CCDC180: variants seen among roughly 807,000 people sequenced by gnomAD.
CCDC180 encodes the protein coiled-coil domain-containing protein 180.
A neutral mutation model predicts 209.2 loss-of-function variants in CCDC180; 154 were observed. That is an observed-to-expected ratio of 0.74 (90% CI 0.65 to 0.84). The LOEUF (loss-of-function observed/expected upper bound fraction) is 0.84. Among genes scored for constraint, CCDC180 ranks in the 40% least tolerant of loss-of-function variants. The pLI is 0.00. For missense variants in CCDC180, 1,874 were observed against 1,997.3 expected (o/e 0.94, Z 1.18); for synonymous variants, 778 against 749.1 (o/e 1.04, Z -0.63).
chr9:97,374,438 A>G, intron 34 of CCDC180, 105 bp from the exon 35 acceptor site: 2 of 797,588 alleles, frequency 2.5e-6, no homozygotes, highest in Non-Finnish European at 4.0e-6. Context: ...TCCAAGTGGG[A>G]GGAGGGGTGC....
At chr9:97,354,760 C>T (rs762657241) in intron 23 of CCDC180, 47 bp downstream of exon 23, 3 of 1,611,644 alleles carry the variant, frequency 1.9e-6, no homozygotes, top group South Asian at 1.1e-5. Context: ...CACAGTATCC[C>T]TTGCTCAACT....
chr9:97,371,602 C>T lies in CCDC180; in HGVS notation c.4496C>T (p.Thr1499Ile), dbSNP rs373012670. ...TCACCATGTTTTTTCCAGGAATGTA[C>T]CAGAAGGAATGGCCAGGTTTTCATA... ...RMNKEKLEEC[T>I]RRNGQVFITN... Residue 1499 changes from threonine to isoleucine, a missense_variant, in exon 34 of 37, where the codon ACC (threonine) becomes ATC (isoleucine). Physicochemically the swap from Thr to Ile is moderately conservative, Grantham distance 89 (BLOSUM62 -1). Coordinates refer to ENST00000529487, the MANE Select transcript of CCDC180 (RefSeq NM_020893.6). 2 of 1,601,016 alleles carry T rather than the reference C, an allele frequency of 1.2e-6. No individual in the cohort carries two copies. Among genetic ancestry groups the T allele is most frequent in the Non-Finnish European group, 8.6e-7 (1 of 1,169,482 alleles).
rs764383289 is a variant in CCDC180, at chr9:97,369,958, T to A, written c.4226T>A (p.Leu1409Gln). The A allele has an allele frequency of 6.2e-7, 1 of 1,614,098 alleles. No homozygotes were observed. Among genetic ancestry groups the A allele is most frequent in the African/African-American group, 1.3e-5 (1 of 74,930 alleles). Residue 1409 changes from leucine to glutamine, a missense_variant, in exon 32 of 37, where the codon CTG becomes CAG. Leu to Gln is a moderately radical substitution (Grantham distance 113). Coordinates refer to ENST00000529487, the MANE Select transcript of CCDC180 (RefSeq NM_020893.6). Reference sequence around the variant, plus strand: ...CAGATCAGGAGATTTGAGGAGCTGCTGCCCCAAGTGTGTTGGCTGGTGATG... The same window carrying A: ...CAGATCAGGAGATTTGAGGAGCTGCAGCCCCAAGTGTGTTGGCTGGTGATG... ...RIQIRRFEELLPQVCWLVMEN... is the reference protein window; with the variant it reads ...RIQIRRFEELQPQVCWLVMEN...
intron 19 of CCDC180, 79 bp from the exon 20 acceptor site, chr9:97,347,235 A>G (rs973675594): frequency 1.7e-5 from 23 of 1,382,344 alleles, no homozygotes; most frequent in Non-Finnish European, 2.2e-5. Flanking sequence ...AGGGGGAAGC[A>G]CTTTGGGTCT....
chr9:97,326,523 T>C (rs749864100), intron 14 of CCDC180, 31 bp from the exon 15 acceptor site: 12 of 1,338,720 alleles, frequency 9.0e-6, no homozygotes, highest in Non-Finnish European at 1.3e-5. Flanking sequence ...AGGTCACATC[T>C]GCTTCCTCTT....
rs1826924129 is a variant in CCDC180, at chr9:97,366,504, C to G, written c.4048-55C>G. On this transcript the variant is annotated intron_variant, in intron 30 of 36. Coordinates refer to ENST00000529487, the MANE Select transcript of CCDC180 (RefSeq NM_020893.6). The surrounding 1 kb of genome is among the most constrained non-coding windows in gnomAD (Gnocchi z 4.3). ...AGGGCAGGCTGGTGGATCCCAGGAG[C>G]AAGGGCCAGAGTCCCATGGAGTCCT... is the stretch of plus-strand genomic sequence containing the variant. 1 of 1,576,790 alleles carries G rather than the reference C, an allele frequency of 6.3e-7. No homozygotes were observed. The highest frequency in any genetic ancestry group is 1.8e-5 in the Admixed American group (1 of 56,422).
intron 30 of CCDC180, 112 bp downstream of exon 30, chr9:97,365,851 G>A (rs537149438): frequency 2.2e-5 from 20 of 893,426 alleles, no homozygotes; most frequent in Non-Finnish European, 2.3e-5. Context: ...TTCCACCCCC[G>A]CCATGACCAC....
chr9:97,350,171 C>T (rs1351968015), intron 21 of CCDC180, among the ~76,000 whole-genome samples: 2 of 151,862 alleles, frequency 1.3e-5, no homozygotes, highest in African/African-American at 4.8e-5. Flanking sequence ...TCTCATGCCC[C>T]CCAAACTGGT....
chr9:97,341,176 T>C (rs1318304928), intron 18 of CCDC180, among the ~76,000 whole-genome samples: 2 of 152,196 alleles, frequency 1.3e-5, no homozygotes, highest in Non-Finnish European at 2.9e-5. Context: ...CTCTTTACCC[T>C]GCCCCTTTTG....
chr9:97,330,682 A>T lies in CCDC180; in HGVS notation c.2189A>T (p.Glu730Val). The T allele has an allele frequency of 6.4e-7, 1 of 1,569,246 alleles. No individual in the cohort carries two copies. Among genetic ancestry groups the T allele is most frequent in the Non-Finnish European group, 8.6e-7 (1 of 1,167,794 alleles). ...GAGTCAGAGGAGGAAGATGAGAAGG[A>T]GGAAGAGGAGGAGGAGGAGAAGCTG... ...KEESEEEDEK[E>V]EEEEEEKLEE... Residue 730 changes from glutamate (E) to valine (V), a missense_variant, in exon 18 of 37, where the codon GAG (glutamate) becomes GTG (valine). Transcript: ENST00000529487.
intron 15 of CCDC180, among the ~76,000 whole-genome samples, chr9:97,327,351 A>AT (rs1359503354): frequency 6.6e-6 from 1 of 152,186 alleles, no homozygotes; most frequent in Non-Finnish European, 1.5e-5. Context: ...AGGTTGGATT[A>AT]TACCGTGCAA....
In CCDC180 at chr9:97,318,470, A is replaced by T; in HGVS notation, c.967A>T (p.Met323Leu). ...EALLQSFSEF[M>L]ASESIHTPPA... ...AACATGTCTGGCCACCAGTGAGTTC[A>T]TGGCCAGTGAGAGTATCCATACTCC... The change falls in exon 10 of 37, where the codon ATG becomes TTG. Residue 323 changes from methionine (M) to leucine (L), a missense_variant. By Grantham distance (15) the Met-to-Leu change is conservative. Transcript: ENST00000529487. 2 of 1,613,440 alleles carry T rather than the reference A, an allele frequency of 1.2e-6. No homozygotes were observed. Among genetic ancestry groups the T allele is most frequent in the Non-Finnish European group, 1.7e-6 (2 of 1,179,788 alleles).
intron 34 of CCDC180, 55 bp downstream of exon 34, chr9:97,371,761 G>A (rs1467210747): frequency 2.6e-6 from 3 of 1,160,888 alleles, no homozygotes; most frequent in Non-Finnish European, 3.8e-6. Flanking sequence ...TGAGGGCTAG[G>A]TTGGGCAGGG....
chr9:97,330,768 G>A lies in CCDC180; in HGVS notation c.2274+1G>A, dbSNP rs781715016. 6 of 1,591,926 alleles carry A rather than the reference G, an allele frequency of 3.8e-6. No homozygotes were observed. In the African/African-American group the frequency reaches 6.7e-5, roughly 18 times the overall value. On this transcript the variant is annotated splice_donor_variant, in intron 18 of 36. Transcript: ENST00000529487. LOFTEE classifies it high-confidence loss of function. ...GCAAGAGAGTTTATCTGTGGGTGAGGTAAGCCAGCAACTGATTCATTCTTG... is the reference window on the plus strand; with the variant it reads ...GCAAGAGAGTTTATCTGTGGGTGAGATAAGCCAGCAACTGATTCATTCTTG...
chr9:97,355,393 C>T lies in CCDC180; in HGVS notation c.3264+385C>T, dbSNP rs528939438. ...CTGATCTTGAATTCCTGGGCTCAAGCGATCCTCCTGCCTCAACCTCCCAAA... is the reference window on the plus strand; with the variant it reads ...CTGATCTTGAATTCCTGGGCTCAAGTGATCCTCCTGCCTCAACCTCCCAAA... On this transcript the variant is annotated intron_variant, in intron 24 of 36. Coordinates refer to ENST00000529487, the MANE Select transcript of CCDC180 (RefSeq NM_020893.6). Among the ~76,000 whole-genome samples, 13 of 152,196 alleles carry T rather than the reference C, an allele frequency of 8.5e-5. No individual in the cohort carries two copies. In the South Asian group the frequency reaches 2.1e-3, roughly 24 times the overall value.
intron 13 of CCDC180, 104 bp from the exon 14 acceptor site, chr9:97,324,915 A>T: frequency 9.3e-7 from 1 of 1,069,846 alleles, no homozygotes; most frequent in Non-Finnish European, 1.3e-6. Flanking sequence ...GTGTCTGGGC[A>T]ATACTGTTCA....
In CCDC180 at chr9:97,358,530, G is replaced by C. The variant is rs527745389; in HGVS notation, c.3363+805G>C. Among the ~76,000 whole-genome samples the C allele has an allele frequency of 4.0e-3, 609 of 152,222 alleles. 6 individuals are homozygous for C. Among genetic ancestry groups the C allele is most frequent in the African/African-American group, 0.014 (585 of 41,536 alleles). ...GAGCGTGGTTCCAAGCGTTCGCCTG[G>C]CTCTGATCCTCAGAGCAGGTCTCTG... is the stretch of plus-strand genomic sequence containing the variant. On this transcript the variant is annotated intron_variant, in intron 25 of 36. Coordinates refer to ENST00000529487, the MANE Select transcript of CCDC180 (RefSeq NM_020893.6).
At chr9:97,345,584 GAATT>G in intron 19 of CCDC180, 2 of 424,456 alleles carry the variant, frequency 4.7e-6, no homozygotes, top group South Asian at 3.4e-5. Context: ...TAATTTATGG[GAATT>G]AATTATATAT....
At chr9:97,330,879 C>A in intron 18 of CCDC180, 112 bp downstream of exon 18, 1 of 1,036,814 alleles carries the variant, frequency 9.6e-7, no homozygotes, top group Non-Finnish European at 1.4e-6. Flanking sequence ...CATAGAGGTG[C>A]AGAAAGAGAA....
Sources: gnomAD v4.1 joint callset for allele counts (sites outside exome capture counted in the v4.1 genomes callset) on GRCh38, gnomAD v4.1.1 for gene constraint, Gnocchi (gnomAD v3.1) non-coding constraint, MANE v1.5 for transcripts, NCBI Gene and HGNC (gene_info 2026-07-23, HGNC 2026-07-21) for gene names.